The following CSMD1 variants were observed in gnomAD, a reference collection of about 807,000 sequenced individuals.
The protein encoded by CSMD1 is CUB and Sushi multiple domains 1.
In CSMD1, 213 loss-of-function variants were observed where a neutral mutation model predicts 417.5. That is an observed-to-expected ratio of 0.51 (90% CI 0.46 to 0.57). CSMD1 has a LOEUF of 0.57. Ranked by LOEUF, CSMD1 falls within the 20% of genes least tolerant of loss-of-function variation. The pLI, the probability that CSMD1 is intolerant of heterozygous loss-of-function variation, is 0.00. For synonymous variants in CSMD1, 2,862 were observed against 1,736.8 expected (o/e 1.65, Z -16.11); for missense variants, 6,923 against 4,529.7 (o/e 1.53, Z -15.17).
rs200620550 is a variant in CSMD1, at chr8:3,172,368, A to AT, written c.5725+8741dup. Among the ~76,000 whole-genome samples the AT allele has an allele frequency of 3.8e-3, 575 of 151,624 alleles. 9 individuals carry two copies. The highest frequency in any genetic ancestry group is 0.012 in the African/African-American group (510 of 41,302). Reference sequence around the variant, plus strand: ...GTGTTTTTATGGCTGACTAATGCTCATTTTTTTTCTAGGGATACTTTTAAT... The same window carrying AT: ...GTGTTTTTATGGCTGACTAATGCTCATTTTTTTTTCTAGGGATACTTTTAAT... On this transcript the variant is annotated intron_variant, in intron 37 of 69. Coordinates refer to ENST00000635120, the MANE Select transcript of CSMD1 (RefSeq NM_033225.6).
At chr8:3,148,423 G>C (rs944875638) in intron 40 of CSMD1, among the ~76,000 whole-genome samples, 2 of 152,126 alleles carry the variant, frequency 1.3e-5, no homozygotes, top group African/African-American at 4.8e-5. Context: ...AGTGCTGTGG[G>C]TATAAATTAG....
At chr8:3,604,807 G>C (rs1347026023) in intron 8 of CSMD1, among the ~76,000 whole-genome samples, 1 of 152,070 alleles carries the variant, frequency 6.6e-6, no homozygotes, top group Non-Finnish European at 1.5e-5. Context: ...GGGCATCAAC[G>C]TGATAGCATT....
chr8:3,276,421 C>T (rs2099846), intron 26 of CSMD1, among the ~76,000 whole-genome samples: 42,999 of 152,160 alleles, frequency 0.28, 6,198 homozygotes, highest in Non-Finnish European at 0.31. Flanking sequence ...TTGGCTTCTC[C>T]GACTGCAAGT....
intron 46 of CSMD1, among the ~76,000 whole-genome samples, chr8:3,103,535 T>C (rs10087059): frequency 1.3e-5 from 2 of 152,040 alleles, no homozygotes; most frequent in Non-Finnish European, 2.9e-5. Context: ...CGTGGCCCCG[T>C]AGTACTGCAA....
At chr8:3,962,840 T>C (rs976774803) in intron 5 of CSMD1, among the ~76,000 whole-genome samples, 3 of 152,214 alleles carry the variant, frequency 2.0e-5, no homozygotes, top group Non-Finnish European at 2.9e-5. Flanking sequence ...CATGTTGTGA[T>C]AAAACAGACA....
intron 7 of CSMD1, among the ~76,000 whole-genome samples, chr8:3,683,441 G>A (rs1799773176): frequency 6.6e-6 from 1 of 152,052 alleles, no homozygotes; most frequent in Non-Finnish European, 1.5e-5. Context: ...TGCCTAAAGG[G>A]AATTCAGAAT....
At chr8:3,691,173 C>T (rs1015429957) in intron 7 of CSMD1, among the ~76,000 whole-genome samples, 5 of 151,878 alleles carry the variant, frequency 3.3e-5, no homozygotes, top group African/African-American at 4.8e-5. Flanking sequence ...TTGAGACCAG[C>T]GTGACCAACA....
intron 5 of CSMD1, among the ~76,000 whole-genome samples, chr8:3,926,108 CACACACACA>C: frequency 1.3e-5 from 1 of 79,176 alleles, no homozygotes. Context: ...CACACACACA[CACACACACA>C]CACACACACA....
intron 39 of CSMD1, among the ~76,000 whole-genome samples, chr8:3,154,184 G>A (rs530440864): frequency 6.6e-6 from 1 of 152,282 alleles, no homozygotes; most frequent in South Asian, 2.1e-4. Flanking sequence ...TGTTGGTCAG[G>A]CTGGTCTCGA....
At chr8:3,672,931 C>G (rs951403106) in intron 7 of CSMD1, among the ~76,000 whole-genome samples, 2 of 152,158 alleles carry the variant, frequency 1.3e-5, no homozygotes, top group Non-Finnish European at 2.9e-5. Flanking sequence ...AAGCTCTTCA[C>G]CCCAAGGAGA....
At chr8:3,850,034 G>A (rs1803789170) in intron 5 of CSMD1, among the ~76,000 whole-genome samples, 1 of 152,018 alleles carries the variant, frequency 6.6e-6, no homozygotes, top group African/African-American at 2.4e-5. Flanking sequence ...GACCTCAGGT[G>A]ATCCACCAGC....
intron 3 of CSMD1, among the ~76,000 whole-genome samples, chr8:4,187,091 T>A (rs185206913): frequency 3.7e-4 from 57 of 152,302 alleles, no homozygotes; most frequent in African/African-American, 1.3e-3. Flanking sequence ...ATCTCTAAGG[T>A]CCCTTAAAAT....
chr8:4,037,794 C>T (rs6980998), intron 3 of CSMD1, among the ~76,000 whole-genome samples: 1 of 151,906 alleles, frequency 6.6e-6, no homozygotes, highest in Admixed American at 6.5e-5. Flanking sequence ...TGAACCATTC[C>T]AGGTTGGAAT....
chr8:4,079,418 A>G (rs1398937204), intron 3 of CSMD1, among the ~76,000 whole-genome samples: 2 of 152,202 alleles, frequency 1.3e-5, no homozygotes, highest in African/African-American at 2.4e-5. Flanking sequence ...AACTCTGGCT[A>G]AAAACAGGAT....
chr8:4,683,214 A>C (rs1471296050), intron 1 of CSMD1, among the ~76,000 whole-genome samples: 1 of 152,062 alleles, frequency 6.6e-6, no homozygotes, highest in African/African-American at 2.4e-5. Context: ...ACAACTTAGT[A>C]TTACCATGAA....
At chr8:3,907,206 A>C (rs746641619) in intron 5 of CSMD1, among the ~76,000 whole-genome samples, 2 of 152,234 alleles carry the variant, frequency 1.3e-5, no homozygotes, top group Non-Finnish European at 2.9e-5. Context: ...ATCTGATCTC[A>C]TACAGCAAAT....
At chr8:3,616,104 C>T (rs1802124035) in intron 8 of CSMD1, among the ~76,000 whole-genome samples, 1 of 152,072 alleles carries the variant, frequency 6.6e-6, no homozygotes, top group Non-Finnish European at 1.5e-5. Context: ...AAATATTTTA[C>T]CTTCTATCTT....
intron 25 of CSMD1, among the ~76,000 whole-genome samples, chr8:3,304,742 T>A (rs1457778069): frequency 6.6e-6 from 1 of 152,094 alleles, no homozygotes; most frequent in Non-Finnish European, 1.5e-5. Flanking sequence ...TTTTAATTTT[T>A]TTTATTAAAA....
intron 2 of CSMD1, among the ~76,000 whole-genome samples, chr8:4,421,174 T>C (rs1368300809): frequency 6.6e-6 from 1 of 152,182 alleles, no homozygotes; most frequent in Non-Finnish European, 1.5e-5. Flanking sequence ...AGACACTGCT[T>C]TGTACTTTAT....
Sources: gnomAD v4.1 joint callset for allele counts (sites outside exome capture counted in the v4.1 genomes callset) on GRCh38, gnomAD v4.1.1 for gene constraint, MANE v1.5 for transcripts, NCBI Gene and HGNC (gene_info 2026-07-23, HGNC 2026-07-21) for gene names.